Variants in HOXA10 observed in about 807,000 individuals in gnomAD.
HOXA10 encodes homeobox protein Hox-A10.
In HOXA10, 12 loss-of-function variants were observed where a neutral mutation model predicts 29.7. That is an observed-to-expected ratio of 0.40 (90% CI 0.26 to 0.65). The LOEUF (loss-of-function observed/expected upper bound fraction) is 0.65, where lower values mean the gene tolerates loss of function less well. Ranked by LOEUF, HOXA10 falls within the 30% of genes least tolerant of loss-of-function variation. The probability of loss-of-function intolerance (pLI) is 0.37; values close to 1 mark genes in which losing one functional copy is unlikely to be tolerated. For missense variants in HOXA10, 656 were observed against 585.9 expected, an observed-to-expected ratio of 1.12 and a Z score of -1.24; for synonymous variants, 327 against 280.7, an observed-to-expected ratio of 1.16 and a Z score of -1.65.
intron 1 of HOXA10, chr7:27,172,961 G>T (rs967422425): frequency 2.3e-5 from 6 of 255,782 alleles, no homozygotes; most frequent in Non-Finnish European, 4.5e-5. Flanking sequence ...ACAAACATCC[G>T]CGCTATCTGC....
Position 27,171,973 on chromosome 7 carries a change from G to A in HOXA10, c.1159C>T (p.Arg387Cys). 1 of 1,614,074 alleles carries A rather than the reference G, an allele frequency of 6.2e-7. No individual in the cohort carries two copies. Among genetic ancestry groups the A allele is most frequent in the Non-Finnish European group, 8.5e-7 (1 of 1,179,948 alleles). The change falls in exon 2 of 2, where the codon CGC becomes TGC. Residue 387 changes from arginine to cysteine, a missense_variant. Around this residue, in one of 2 missense-constraint regions of HOXA10, gnomAD observed 62 missense variants for 94.0 expected, o/e 0.66. Transcript: ENST00000283921. The part of the protein sequence containing the change: ...DRQVKIWFQN[R>C]RMKLKKMNRE... ...TTCATTTTCTTCAGTTTCATCCTGCGGTTCTGAAACCAGATTTTCACTTGT... is the reference window on the plus strand; with the variant it reads ...TTCATTTTCTTCAGTTTCATCCTGCAGTTCTGAAACCAGATTTTCACTTGT...
chr7:27,177,138 G>A (rs4722668), upstream of HOXA10, among the ~76,000 whole-genome samples: 2,122 of 152,338 alleles, frequency 0.014, 38 homozygotes, highest in Admixed American at 0.043. Flanking sequence ...AGTTTGTATC[G>A]CATCTGCTAC....
rs1327507292 is a variant in HOXA10 at position 27,172,154 on chromosome 7, G to A, written c.978C>T (p.Asn326=). 7 of 1,613,906 alleles carry A rather than the reference G, an allele frequency of 4.3e-6. No homozygotes were observed. The South Asian group carries it at 5.5e-5, about 13-fold the overall frequency. ...KDSLGNSKGE[N]AANWLTAKSG... ...TCTTTGCCGTGAGCCAGTTGGCTGC[G>A]TTTTCACCTTTGGAATTGCCTGGCA... Residue 326 remains asparagine (N), a synonymous_variant, in exon 2 of 2, where the codon AAC becomes AAT. Coordinates refer to ENST00000283921, the MANE Select transcript of HOXA10 (RefSeq NM_018951.4).
In HOXA10 at chr7:27,174,016, A is replaced by G. The variant is rs893449741; in HGVS notation, c.291T>C (p.Gly97=). ...KRNEAASPGS[G]GGGGGLGPGA... The stretch of plus-strand genomic sequence containing the variant: ...CGGGACCTAGACCCCCGCCACCGCC[A>G]CCGCTGCCCGGCGACGCTGCCTCAT... The change falls in exon 1 of 2, where the codon GGT becomes GGC. Residue 97 remains glycine (G), a synonymous_variant. Transcript: ENST00000283921. The G allele has an allele frequency of 6.5e-7, 1 of 1,528,742 alleles. No individual in the cohort carries two copies. The highest frequency in any genetic ancestry group is 8.7e-7 in the Non-Finnish European group (1 of 1,144,160). 94.7% of individuals were successfully genotyped at this position (1,528,742 alleles called of 1,614,324 possible).
At chr7:27,177,670 CCCA>C (rs1166821783), upstream of HOXA10, among the ~76,000 whole-genome samples, 2 of 152,134 alleles carry the variant, frequency 1.3e-5, no homozygotes, top group Admixed American at 6.5e-5. Flanking sequence ...CCTGAGATTC[CCCA>C]CCCCAAGAGA....
At chr7:27,178,397 A>G (rs958940844), upstream of HOXA10, among the ~76,000 whole-genome samples, 1 of 152,240 alleles carries the variant, frequency 6.6e-6, no homozygotes, top group African/African-American at 2.4e-5. Context: ...ATCAGGTGCA[A>G]TCTATTACTA....
chr7:27,171,096 A>C lies in HOXA10; in HGVS notation c.*803T>G, dbSNP rs750865808. 1.6e-5 allele frequency: 7 copies of C among 449,396 alleles called. No homozygotes were observed. The highest frequency in any genetic ancestry group is 1.1e-4 in the South Asian group (7 of 62,538). 27.8% of individuals were successfully genotyped at this position (449,396 alleles called of 1,614,324 possible). On this transcript the variant is annotated 3_prime_UTR_variant, in exon 2 of 2. Transcript: ENST00000283921. ...AAAAATCCACTAATTCCAAATGCAT[A>C]AACAAAACTACATTATTTATCTACA...
In HOXA10 at chr7:27,174,097, G is replaced by A. The variant is rs753331027; in HGVS notation, c.210C>T (p.Asp70=). ...HGGVYLPPAA[D]LPYGLQSCGL... ...CGCAGCTCTGCAGCCCGTAGGGCAG[G>A]TCGGCGGCGGGCGGCAGGTAGACCC... Residue 70 remains aspartate (D), a synonymous_variant, in exon 1 of 2, where the codon GAC becomes GAT. Coordinates refer to ENST00000283921, the MANE Select transcript of HOXA10 (RefSeq NM_018951.4). 3.2e-5 allele frequency: 50 copies of A among 1,568,864 alleles called. No homozygotes were observed. The highest frequency in any genetic ancestry group is 4.3e-4 in the Middle Eastern group (2 of 4,684).
upstream of HOXA10, chr7:27,174,633 C>T (rs1303556976): frequency 3.3e-5 from 13 of 397,662 alleles, no homozygotes; most frequent in Non-Finnish European, 2.3e-5. Flanking sequence ...CTTAGAAGGG[C>T]CCTTGGGCCC....
chr7:27,172,534 G>GC (rs1783525302), intron 1 of HOXA10: 4 of 330,968 alleles, frequency 1.2e-5, no homozygotes, highest in East Asian at 8.5e-5. Flanking sequence ...ATTTCCTGTA[G>GC]CCCCCAGGCT....
chr7:27,174,352 C>A (rs764114704), upstream of HOXA10: 6 of 1,588,068 alleles, frequency 3.8e-6, no homozygotes, highest in South Asian at 2.2e-5. Flanking sequence ...CCCCCCGCAC[C>A]GCGGCGGGCG....
Position 27,173,631 on chromosome 7 carries a change from A to T in HOXA10, c.676T>A (p.Tyr226Asn), listed in dbSNP as rs1440865426. The change falls in exon 1 of 2, where the codon TAT (tyrosine) becomes AAT (asparagine). Residue 226 changes from tyrosine (Y) to asparagine (N), a missense_variant. Physicochemically the swap from Tyr to Asn is moderately radical, Grantham distance 143. This residue lies in a region of HOXA10 where 594 missense variants were observed against 491.9 expected (regional missense o/e 1.21). Transcript: ENST00000283921. ...LSQAYGTAKG[Y>N]GSGGGGAQQL... ...TGCGCGCCGCCGCCGCCGCTGCCAT[A>T]GCCCTTGGCGGTGCCGTAGGCCTGA... The T allele has an allele frequency of 1.3e-6, 2 of 1,541,330 alleles. No individual in the cohort carries two copies. The highest frequency in any genetic ancestry group is 1.7e-6 in the Non-Finnish European group (2 of 1,143,608).
At position 27,173,785 on chromosome 7, in the gene HOXA10, C is replaced by T. The variant is rs1268312516; in HGVS notation, c.522G>A (p.Ser174=). The T allele has an allele frequency of 1.2e-6, 2 of 1,610,432 alleles. No homozygotes were observed. Among genetic ancestry groups the T allele is most frequent in the East Asian group, 2.2e-5 (1 of 44,712 alleles). ...CCGAGACTTTGGGGCATTTGTCCGC[C>T]GAGTCGTAGAGGCAGTAGGAGCTCT... ...KEESSYCLYD[S]ADKCPKVSAT... is the part of the protein sequence containing the mutation. Residue 174 remains serine, a synonymous_variant, in exon 1 of 2, where the codon TCG becomes TCA. Transcript: ENST00000283921.
chr7:27,176,310 T>C (rs2115455267), upstream of HOXA10, among the ~76,000 whole-genome samples: 1 of 152,354 alleles, frequency 6.6e-6, no homozygotes, highest in African/African-American at 2.4e-5. Context: ...TAACTCTCCT[T>C]CGCTCTTCGC....
upstream of HOXA10, among the ~76,000 whole-genome samples, chr7:27,176,374 CG>C (rs1783654959): frequency 6.6e-6 from 1 of 152,350 alleles, no homozygotes; most frequent in African/African-American, 2.4e-5. Context: ...GCCCATGAGA[CG>C]GACGAACCTG....
chr7:27,171,258 A>G lies in HOXA10; in HGVS notation c.*641T>C, dbSNP rs1277229804. On this transcript the variant is annotated 3_prime_UTR_variant, in exon 2 of 2. Transcript: ENST00000283921. ...TTTTTAAAGCTGGGATATCTTACAG[A>G]GGAAGGAAAAATTAACCTTTTTTAC... The G allele has an allele frequency of 2.2e-6, 1 of 454,112 alleles. No individual in the cohort carries two copies. The highest frequency in any genetic ancestry group is 1.6e-5 in the South Asian group (1 of 64,438). 28.1% of individuals were successfully genotyped at this position (454,112 alleles called of 1,614,324 possible).
At position 27,171,916 on chromosome 7, in the gene HOXA10, T is replaced by C. The variant is rs1275058664; in HGVS notation, c.1216A>G (p.Asn406Asp). The change falls in exon 2 of 2, where the codon AAC (asparagine) becomes GAC (aspartate). Residue 406 changes from asparagine (N) to aspartate (D), a missense_variant. Asn to Asp is a conservative substitution (Grantham distance 23, BLOSUM62 1). This residue lies in a region of HOXA10 where 62 missense variants were observed against 94.0 expected (regional missense o/e 0.66). Coordinates refer to ENST00000283921, the MANE Select transcript of HOXA10 (RefSeq NM_018951.4). ...RENRIRELTA[N>D]FNFS ...GAGATTCATCAGGAAAAATTAAAGT[T>C]GGCTGTGAGCTCCCGGATCCGGTTT... 3.7e-6 allele frequency: 6 copies of C among 1,614,020 alleles called. No individual in the cohort carries two copies. The highest frequency in any genetic ancestry group is 5.1e-6 in the Non-Finnish European group (6 of 1,180,044).
In HOXA10 at chr7:27,171,885, C is replaced by A; in HGVS notation, c.*14G>T. 6.2e-7 allele frequency: 1 copy of A among 1,613,982 alleles called. No individual in the cohort carries two copies. The highest frequency in any genetic ancestry group is 8.5e-7 in the Non-Finnish European group (1 of 1,179,940). On this transcript the variant is annotated 3_prime_UTR_variant, in exon 2 of 2. Coordinates refer to ENST00000283921, the MANE Select transcript of HOXA10 (RefSeq NM_018951.4). The stretch of plus-strand genomic sequence containing the variant: ...CGCTCGGGAAGTGAAAAAACCGCGT[C>A]GCCTGGAGATTCATCAGGAAAAATT...
intron 1 of HOXA10, among the ~76,000 whole-genome samples, chr7:27,179,381 C>T (rs574142936): frequency 1.3e-5 from 2 of 152,078 alleles, no homozygotes; most frequent in South Asian, 4.2e-4. Context: ...CTAGATGCCT[C>T]TCATCCCTAG....
Sources: allele counts gnomAD v4.1 joint callset (sites outside exome capture counted in the v4.1 genomes callset), GRCh38; gene constraint gnomAD v4.1.1; regional missense constraint gnomAD v4.1.1; transcripts MANE v1.5; gene names NCBI Gene and HGNC (gene_info 2026-07-23, HGNC 2026-07-21).